The following EFNB2 variants were observed in gnomAD, a reference collection of about 807,000 sequenced individuals.
EFNB2 encodes ephrin B2.
In EFNB2, 5 loss-of-function variants were observed where a neutral mutation model predicts 32.1. The ratio of observed to expected loss-of-function variants is 0.16; its 90% CI spans 0.08 to 0.33. EFNB2 has a LOEUF of 0.33. EFNB2 is among the 10% of genes least tolerant of loss of function. The probability of loss-of-function intolerance (pLI) is 1.00; values close to 1 mark genes in which losing one functional copy is unlikely to be tolerated. For missense variants in EFNB2, 263 were observed against 422.6 expected, an observed-to-expected ratio of 0.62 and a Z score of 3.31; for synonymous variants, 168 against 166.5, an observed-to-expected ratio of 1.01 and a Z score of -0.07.
chr13:106,512,398 G>GGA (rs1446332760), intron 2 of EFNB2, 131 bp downstream of exon 2: 1 of 595,230 alleles, frequency 1.7e-6, no homozygotes, highest in Admixed American at 4.2e-5. Context: ...AAAAAGGGGG[G>GGA]GGGGACAATT....
At chr13:106,519,676 A>C (rs191605941) in intron 1 of EFNB2, 1 of 152,354 alleles carries the variant, frequency 6.6e-6, no homozygotes, top group African/African-American at 2.4e-5. Context: ...GGAGACAACC[A>C]TAAACAAATG....
At chr13:106,503,958 A>C (rs756960624) in intron 2 of EFNB2, among the ~76,000 whole-genome samples, 1 of 152,230 alleles carries the variant, frequency 6.6e-6, no homozygotes, top group Non-Finnish European at 1.5e-5. Context: ...AGCTGTACTT[A>C]AGCATCAGAT....
chr13:106,517,992 C>G (rs1428158858), intron 1 of EFNB2: 1 of 152,182 alleles, frequency 6.6e-6, no homozygotes, highest in Admixed American at 6.5e-5. Flanking sequence ...AACTGGATCT[C>G]TAATAATTTA....
chr13:106,497,469 A>AT (rs1407532029), intron 2 of EFNB2, among the ~76,000 whole-genome samples: 1 of 151,912 alleles, frequency 6.6e-6, no homozygotes, highest in Non-Finnish European at 1.5e-5. Flanking sequence ...GCTTAAAAAA[A>AT]AAAAAACCTA....
chr13:106,500,594 G>A (rs1594163259), intron 2 of EFNB2, among the ~76,000 whole-genome samples: 1 of 152,192 alleles, frequency 6.6e-6, no homozygotes, highest in Non-Finnish European at 1.5e-5. Flanking sequence ...AAACCACAGA[G>A]TCGTCAGAAT....
chr13:106,512,484 GCTTAT>G (rs548478158), intron 2 of EFNB2, 40 bp downstream of exon 2: 182 of 1,302,676 alleles, frequency 1.4e-4, no homozygotes, highest in Middle Eastern at 8.0e-4. Context: ...AACCTATATA[GCTTAT>G]CTTAATTTCT....
At chr13:106,523,900 T>C (rs139749952) in intron 1 of EFNB2, among the ~76,000 whole-genome samples, 1 of 152,336 alleles carries the variant, frequency 6.6e-6, no homozygotes, top group African/African-American at 2.4e-5. Flanking sequence ...TCTCCTTAGC[T>C]TGACACACAC....
chr13:106,516,056 G>T (rs1209906293), intron 1 of EFNB2: 1 of 152,080 alleles, frequency 6.6e-6, no homozygotes, highest in Non-Finnish European at 1.5e-5. Context: ...TGTATTAATT[G>T]AACAAAAAAT....
intron 2 of EFNB2, among the ~76,000 whole-genome samples, chr13:106,503,025 G>A (rs892351680): frequency 6.6e-5 from 10 of 152,082 alleles, no homozygotes; most frequent in African/African-American, 1.9e-4. Context: ...CCCAACCCCC[G>A]ACTTTTTTGT....
intron 1 of EFNB2, chr13:106,519,812 TA>T (rs1278821248): frequency 1.3e-5 from 2 of 152,240 alleles, no homozygotes; most frequent in East Asian, 1.9e-4. Context: ...ATTAAAACAT[TA>T]TTTTTTTAAT....
chr13:106,514,390 G>A (rs1025252133), intron 1 of EFNB2, among the ~76,000 whole-genome samples: 1 of 152,132 alleles, frequency 6.6e-6, no homozygotes, highest in African/African-American at 2.4e-5. Context: ...TGTGTTCTCT[G>A]TAGACAATTT....
intron 2 of EFNB2, among the ~76,000 whole-genome samples, chr13:106,501,513 C>G (rs1878776365): frequency 6.6e-6 from 1 of 152,116 alleles, no homozygotes; most frequent in Non-Finnish European, 1.5e-5. Context: ...CCAAATTTGC[C>G]TTATCTTAGA....
chr13:106,533,358 G>A (rs1031287745), intron 1 of EFNB2, among the ~76,000 whole-genome samples: 4 of 151,524 alleles, frequency 2.6e-5, no homozygotes, highest in African/African-American at 7.3e-5. Context: ...GGCGCCTCCC[G>A]AGCCGGCATC....
At chr13:106,496,556 T>C (rs1197871113) in intron 2 of EFNB2, among the ~76,000 whole-genome samples, 2 of 152,224 alleles carry the variant, frequency 1.3e-5, no homozygotes, top group Non-Finnish European at 2.9e-5. Flanking sequence ...TGCCCACCAC[T>C]CATTCTGGGT....
At chr13:106,511,609 T>C (rs931628259) in intron 2 of EFNB2, among the ~76,000 whole-genome samples, 2 of 152,216 alleles carry the variant, frequency 1.3e-5, no homozygotes, top group African/African-American at 2.4e-5. Flanking sequence ...CAGTGGCAGA[T>C]AGCAGTTCCC....
At chr13:106,525,664 G>A (rs1031657239) in intron 1 of EFNB2, among the ~76,000 whole-genome samples, 2 of 152,042 alleles carry the variant, frequency 1.3e-5, no homozygotes, top group Non-Finnish European at 2.9e-5. Flanking sequence ...GGCTGTTTCC[G>A]GACCCCTCCA....
At chr13:106,528,568 T>C (rs1879775497) in intron 1 of EFNB2, among the ~76,000 whole-genome samples, 1 of 152,162 alleles carries the variant, frequency 6.6e-6, no homozygotes, top group Admixed American at 6.5e-5. Flanking sequence ...ACAGGGTGTT[T>C]GCAGCCTTTG....
At chr13:106,530,582 A>G (rs1403577456) in intron 1 of EFNB2, among the ~76,000 whole-genome samples, 1 of 152,196 alleles carries the variant, frequency 6.6e-6, no homozygotes, top group East Asian at 1.9e-4. Context: ...TTTAAGAATG[A>G]AGTTCTCATA....
chr13:106,510,869 C>G (rs958395933), intron 2 of EFNB2, among the ~76,000 whole-genome samples: 6 of 152,050 alleles, frequency 3.9e-5, no homozygotes, highest in African/African-American at 1.4e-4. Context: ...AAAATTAGCG[C>G]ACACCTGTAG....
Sources: allele counts gnomAD v4.1 joint callset (sites outside exome capture counted in the v4.1 genomes callset), GRCh38; gene constraint gnomAD v4.1.1; transcripts MANE v1.5; gene names NCBI Gene and HGNC (gene_info 2026-07-23, HGNC 2026-07-21).